RBFOX1: variants seen among roughly 807,000 people sequenced by gnomAD.
RBFOX1 encodes the protein RNA binding protein fox-1 homolog 1.
Under a neutral mutation model 57.7 loss-of-function variants are expected in RBFOX1, and 8 were observed. That is an observed-to-expected ratio of 0.14 (90% CI 0.08 to 0.25). RBFOX1 has a LOEUF of 0.25. Among genes scored for constraint, RBFOX1 ranks in the 10% least tolerant of loss-of-function variants. The pLI, the probability that RBFOX1 is intolerant of heterozygous loss-of-function variation, is 1.00. For synonymous variants in RBFOX1, 326 were observed against 222.4 expected (o/e 1.47, Z -4.15); for missense variants, 611 against 548.5 (o/e 1.11, Z -1.14).
chr16:6,375,083 G>T (rs74007313), intron 2 of RBFOX1, among the ~76,000 whole-genome samples: 1 of 152,284 alleles, frequency 6.6e-6, no homozygotes, highest in Non-Finnish European at 1.5e-5. Context: ...AACGTTTGCA[G>T]GCTAATGGGA....
At chr16:7,044,883 T>C (rs1267288477) in intron 3 of RBFOX1, among the ~76,000 whole-genome samples, 1 of 152,156 alleles carries the variant, frequency 6.6e-6, no homozygotes, top group African/African-American at 2.4e-5. Flanking sequence ...GCCTCTCCCA[T>C]AATGGTTATG....
Position 5,752,229 on chromosome 16 carries a change from C to T in RBFOX1, c.319-115074C>T, listed in dbSNP as rs114219836. ...AAGTGGTAGCTGAATGATGAGAACA[C>T]AGGGACACATAGAGGGGAGAAATAC... is the stretch of plus-strand genomic sequence containing the variant. On this transcript the variant is annotated intron_variant, in intron 3 of 19. Transcript: ENST00000641259. Among the ~76,000 whole-genome samples the T allele has an allele frequency of 2.8e-3, 420 of 152,182 alleles. 3 individuals are homozygous for T. Among genetic ancestry groups the T allele is most frequent in the African/African-American group, 9.9e-3 (410 of 41,510 alleles).
intron 4 of RBFOX1, among the ~76,000 whole-genome samples, chr16:7,413,686 C>T (rs933013163): frequency 7.2e-5 from 11 of 151,914 alleles, no homozygotes; most frequent in Non-Finnish European, 1.3e-4. Flanking sequence ...TATTCCTCAG[C>T]GGGTGTGGCA....
intron 1 of RBFOX1, among the ~76,000 whole-genome samples, chr16:6,163,727 A>G (rs997224368): frequency 6.6e-6 from 1 of 152,192 alleles, no homozygotes; most frequent in African/African-American, 2.4e-5. Context: ...TGATTTGTAA[A>G]AATGCCAGGT....
chr16:5,896,391 A>G (rs2058164071), intron 4 of RBFOX1, among the ~76,000 whole-genome samples: 1 of 152,002 alleles, frequency 6.6e-6, no homozygotes, highest in African/African-American at 2.4e-5. Flanking sequence ...CTCACTCTGT[A>G]AGTCCCCTTG....
rs116063917 is a variant in RBFOX1 at position 6,559,133 on chromosome 16, G to A, written c.-63-95470G>A. On this transcript the variant is annotated intron_variant, in intron 2 of 15. Coordinates refer to ENST00000550418, the MANE Select transcript of RBFOX1 (RefSeq NM_018723.4). ...CATATGTGTGTGTGTGTGTGTGTGT[G>A]TATATACATATGTGTATATATATGA... Among the ~76,000 whole-genome samples the A allele has an allele frequency of 1.4e-4, 19 of 133,630 alleles. No homozygotes were observed. In the South Asian group the frequency reaches 1.6e-3, roughly 12 times the overall value. 87.7% of individuals were successfully genotyped at this position (133,630 alleles called of 152,430 possible).
intron 2 of RBFOX1, among the ~76,000 whole-genome samples, chr16:6,634,540 T>C (rs950002018): frequency 1.2e-4 from 18 of 147,892 alleles, no homozygotes; most frequent in African/African-American, 4.4e-4. Flanking sequence ...CTTTTATATT[T>C]TTTAATTTAA....
chr16:6,431,896 G>GCTTGCTTGCTTTCTTTCTTTCTTTCTTT (rs1491277692), intron 2 of RBFOX1, among the ~76,000 whole-genome samples: 3 of 128,120 alleles, frequency 2.3e-5, no homozygotes, highest in African/African-American at 6.2e-5. Context: ...TTGCTTGCTT[G>GCTTGCTTGCTTTCTTTCTTTCTTTCTTT]CTTTCTTTCT....
chr16:6,297,919 C>A (rs1423017562), intron 1 of RBFOX1, among the ~76,000 whole-genome samples: 1 of 152,168 alleles, frequency 6.6e-6, no homozygotes, highest in Non-Finnish European at 1.5e-5. Context: ...ATGAGAGCCA[C>A]CTCCACCGCT....
At chr16:6,587,882 A>C (rs1461594735) in intron 2 of RBFOX1, among the ~76,000 whole-genome samples, 2 of 152,182 alleles carry the variant, frequency 1.3e-5, no homozygotes, top group African/African-American at 2.4e-5. Context: ...TTTGAAAATT[A>C]CAGGCACCAT....
intron 2 of RBFOX1, among the ~76,000 whole-genome samples, chr16:5,585,089 G>A (rs562795808): frequency 6.6e-6 from 1 of 152,118 alleles, no homozygotes; most frequent in East Asian, 1.9e-4. Context: ...GTGTTGTACA[G>A]CCGTCACCTC....
chr16:7,301,596 A>G (rs2096034849), intron 4 of RBFOX1, among the ~76,000 whole-genome samples: 1 of 152,210 alleles, frequency 6.6e-6, no homozygotes, highest in Non-Finnish European at 1.5e-5. Flanking sequence ...GGGTCTTTAC[A>G]TAATGTATTT....
chr16:5,786,672 C>A (rs7203283), intron 3 of RBFOX1, among the ~76,000 whole-genome samples: 3,658 of 152,268 alleles, frequency 0.024, 146 homozygotes, highest in African/African-American at 0.084. Context: ...CAAACCTGGA[C>A]ATCATCCCTG....
rs9931963 is a variant in RBFOX1, at chr16:6,745,517, A to G, written c.-16+90867A>G. Among the ~76,000 whole-genome samples, 59 of 152,346 alleles carry G rather than the reference A, an allele frequency of 3.9e-4. 1 individual carries two copies. In the East Asian group the frequency reaches 5.2e-3, roughly 13 times the overall value. On this transcript the variant is annotated intron_variant, in intron 3 of 15. Transcript: ENST00000550418. ...TAACATTTGAAAATCAATTTATGAAATACACCATATTAACAACAAAATGTG... is the reference window on the plus strand; with the variant it reads ...TAACATTTGAAAATCAATTTATGAAGTACACCATATTAACAACAAAATGTG...
chr16:5,360,840 T>A (rs34445200), intron 1 of RBFOX1, among the ~76,000 whole-genome samples: 27,075 of 152,108 alleles, frequency 0.18, 3,133 homozygotes, highest in Non-Finnish European at 0.24. Flanking sequence ...CTGCCCAGTT[T>A]TGAGGAGAGT....
At chr16:6,887,152 GTTC>G (rs1246644719) in intron 3 of RBFOX1, among the ~76,000 whole-genome samples, 1 of 152,104 alleles carries the variant, frequency 6.6e-6, no homozygotes, top group Admixed American at 6.5e-5. Context: ...TGACTCTGCT[GTTC>G]TTCTTGTTAT....
intron 1 of RBFOX1, among the ~76,000 whole-genome samples, chr16:5,447,377 A>ACTCTCTCTCTCTCTCTCTCTCTCT (rs1491576897): frequency 1.2e-4 from 4 of 34,628 alleles, no homozygotes; most frequent in African/African-American, 5.3e-4. Context: ...TCAATCAATC[A>ACTCTCTCTCTCTCTCTCTCTCTCT]ATCTCTCTCT....
At chr16:6,014,856 A>AT (rs35940035), upstream of RBFOX1, among the ~76,000 whole-genome samples, 12,099 of 142,836 alleles carry the variant, frequency 0.085, 607 homozygotes, top group African/African-American at 0.14. Context: ...TGGCTACTTG[A>AT]TTTTTTTTTT....
intron 4 of RBFOX1, among the ~76,000 whole-genome samples, chr16:7,307,637 G>A (rs1175285001): frequency 6.6e-6 from 1 of 152,038 alleles, no homozygotes; most frequent in African/African-American, 2.4e-5. Context: ...TGTTACTACA[G>A]TTTAGAGCTG....
Sources: allele counts gnomAD v4.1 joint callset (sites outside exome capture counted in the v4.1 genomes callset), GRCh38; gene constraint gnomAD v4.1.1; transcripts MANE v1.5; gene names NCBI Gene and HGNC (gene_info 2026-07-23, HGNC 2026-07-21).